Variants in LSM8 observed in about 807,000 individuals in gnomAD.
The protein encoded by LSM8 is LSM8 U6 small nuclear RNA associated.
Under a neutral mutation model 15.0 loss-of-function variants are expected in LSM8, and 14 were observed. The ratio of observed to expected loss-of-function variants is 0.93; its 90% confidence interval spans 0.62 to 1.46. The LOEUF is 1.46. LSM8 is among the 40% of genes most tolerant of loss of function. The pLI is 0.00. For synonymous variants in LSM8, 50 were observed against 42.1 expected, an observed-to-expected ratio of 1.19 and a Z score of -0.73; for missense variants, 90 against 115.4, an observed-to-expected ratio of 0.78 and a Z score of 1.01.
chr7:118,187,828 G>T (rs1286105620), intron 2 of LSM8, among the ~76,000 whole-genome samples: 1 of 152,168 alleles, frequency 6.6e-6, no homozygotes, highest in Non-Finnish European at 1.5e-5. Context: ...AGTGTGTTTA[G>T]CACACTGCCT....
In LSM8 at chr7:118,185,629, A is replaced by G. The variant is rs746071231; in HGVS notation, c.32-25A>G. The G allele has an allele frequency of 2.5e-6, 4 of 1,592,314 alleles. No homozygotes were observed. In the South Asian group the frequency reaches 3.3e-5, roughly 13 times the overall value. On this transcript the variant is annotated intron_variant, in intron 1 of 3. Coordinates refer to ENST00000249299, the MANE Select transcript of LSM8 (RefSeq NM_016200.5). Reference sequence around the variant, plus strand: ...GTTTTCAATTTGCATTCCCTAAGAAACACTTTCTTTGATTCAGTTATCAGG... The same window carrying G: ...GTTTTCAATTTGCATTCCCTAAGAAGCACTTTCTTTGATTCAGTTATCAGG...
chr7:118,190,721 C>A (rs1308180262), intron 3 of LSM8: 1 of 152,036 alleles, frequency 6.6e-6, no homozygotes, highest in African/African-American at 2.4e-5. Flanking sequence ...ATTCATTCTG[C>A]CAGAGTTTCA....
rs931364689 is a variant in LSM8 at position 118,200,736 on chromosome 7, T to G, written c.*8734T>G. Among the ~76,000 whole-genome samples, 1 of 152,068 alleles carries G rather than the reference T, an allele frequency of 6.6e-6. No individual in the cohort carries two copies. The highest frequency in any genetic ancestry group is 1.5e-5 in the Non-Finnish European group (1 of 68,004). ...TTTATAAGAGTTTATTCCTTAAGTG[T>G]TTGAATTTACACTTTTTTCTCCTGT... is the stretch of plus-strand genomic sequence containing the variant. On this transcript the variant is annotated 3_prime_UTR_variant, in exon 4 of 4. Transcript: ENST00000249299.
rs1462626583 is a variant in LSM8 at position 118,198,636 on chromosome 7, G to A, written c.*6634G>A. 1.3e-5 allele frequency among the ~76,000 whole-genome samples: 2 copies of A among 152,176 alleles called. No individual in the cohort carries two copies. The highest frequency in any genetic ancestry group is 1.5e-5 in the Non-Finnish European group (1 of 68,036). On this transcript the variant is annotated 3_prime_UTR_variant, in exon 4 of 4. Coordinates refer to ENST00000249299, the MANE Select transcript of LSM8 (RefSeq NM_016200.5). ...TTGTGCTTGACCCTAAGGATAGTAA[G>A]GATTTCCATAGATGGTTAGGAAAAC...
At chr7:118,187,427 A>G (rs928234240) in intron 2 of LSM8, among the ~76,000 whole-genome samples, 2 of 152,232 alleles carry the variant, frequency 1.3e-5, no homozygotes, top group African/African-American at 4.8e-5. Flanking sequence ...TAATTAGTAT[A>G]GTCACATTTG....
In LSM8 at chr7:118,197,760, G is replaced by A. The variant is rs1260055559; in HGVS notation, c.*5758G>A. ...TTGATTAGGGTCTTGGGCTAGTCCA[G>A]TGTAGCATGGCAGTGAAAGGCACAG... On this transcript the variant is annotated 3_prime_UTR_variant, in exon 4 of 4. Coordinates refer to ENST00000249299, the MANE Select transcript of LSM8 (RefSeq NM_016200.5). 6.6e-6 allele frequency among the ~76,000 whole-genome samples: 1 copy of A among 152,172 alleles called. No individual in the cohort carries two copies. Among genetic ancestry groups the A allele is most frequent in the Non-Finnish European group, 1.5e-5 (1 of 68,026 alleles).
chr7:118,186,617 A>G (rs1808894062), intron 2 of LSM8, among the ~76,000 whole-genome samples: 1 of 152,224 alleles, frequency 6.6e-6, no homozygotes, highest in East Asian at 1.9e-4. Context: ...CTTATGAAGA[A>G]TAAGTACCCC....
At chr7:118,188,206 CTG>C in intron 2 of LSM8, 70 bp from the exon 3 acceptor site, 5 of 1,535,688 alleles carry the variant, frequency 3.3e-6, no homozygotes, top group East Asian at 4.5e-5. Context: ...ACTAAAATGA[CTG>C]TGAGGTTAAA....
rs1809107613 is a variant in LSM8 at position 118,197,875 on chromosome 7, C to T, written c.*5873C>T. On this transcript the variant is annotated 3_prime_UTR_variant, in exon 4 of 4. Coordinates refer to ENST00000249299, the MANE Select transcript of LSM8 (RefSeq NM_016200.5). ...GAAAATGAGTACCTGCTTCCTTGTA[C>T]TGTCAAGATTAAGATAAGCAGTTAG... Among the ~76,000 whole-genome samples, 1 of 152,138 alleles carries T rather than the reference C, an allele frequency of 6.6e-6. No individual in the cohort carries two copies. Among genetic ancestry groups the T allele is most frequent in the Non-Finnish European group, 1.5e-5 (1 of 68,008 alleles).
At position 118,196,649 on chromosome 7, in the gene LSM8, C is replaced by G. The variant is rs1162919006; in HGVS notation, c.*4647C>G. Among the ~76,000 whole-genome samples, 1 of 147,402 alleles carries G rather than the reference C, an allele frequency of 6.8e-6. No individual in the cohort carries two copies. Among genetic ancestry groups the G allele is most frequent in the South Asian group, 2.2e-4 (1 of 4,484 alleles). On this transcript the variant is annotated 3_prime_UTR_variant, in exon 4 of 4. Transcript: ENST00000249299. ...TTTTTGTGTTAGTTTTTTGTTATGC[C>G]TTTTCATTTCCTTCTTTTTTTAATG...
intron 2 of LSM8, among the ~76,000 whole-genome samples, 175 bp downstream of exon 2, chr7:118,185,869 A>T (rs957123900): frequency 2.0e-5 from 3 of 152,232 alleles, no homozygotes; most frequent in African/African-American, 4.8e-5. Context: ...ACTAATAAAC[A>T]TTGTGTGTTA....
Position 118,192,167 on chromosome 7 carries a change from T to C in LSM8, c.*165T>C, listed in dbSNP as rs1808993728. On this transcript the variant is annotated 3_prime_UTR_variant, in exon 4 of 4. Coordinates refer to ENST00000249299, the MANE Select transcript of LSM8 (RefSeq NM_016200.5). ...TCTACATTTTATTGAAAAAAAAACC[T>C]TTTTTTTTGCCTAAATATAAGTTTG... The C allele has an allele frequency of 2.7e-6, 1 of 372,360 alleles. No individual in the cohort carries two copies. The allele number at this position is 372,360 out of a possible 1,614,324, so 23.1% of individuals were successfully genotyped here. A position where few individuals can be genotyped will look rare whatever the true frequency, so the allele number is the denominator to read the frequency against.
chr7:118,193,684 A>G lies in LSM8; in HGVS notation c.*1682A>G, dbSNP rs1809026891. ...CAAATTTAGGGACTGTGAATGAAAT[A>G]TTGTAGTATATGGCATTTTGAATTG... is the stretch of plus-strand genomic sequence containing the variant. On this transcript the variant is annotated 3_prime_UTR_variant, in exon 4 of 4. Coordinates refer to ENST00000249299, the MANE Select transcript of LSM8 (RefSeq NM_016200.5). Among the ~76,000 whole-genome samples, 1 of 152,116 alleles carries G rather than the reference A, an allele frequency of 6.6e-6. No individual in the cohort carries two copies.
At chr7:118,186,438 T>C (rs1808891568) in intron 2 of LSM8, among the ~76,000 whole-genome samples, 1 of 152,232 alleles carries the variant, frequency 6.6e-6, no homozygotes, top group African/African-American at 2.4e-5. Flanking sequence ...GATCCCTTAT[T>C]TTTCCATTCT....
rs765612369 is a variant in LSM8 at position 118,191,882 on chromosome 7, A to G, written c.201-30A>G. ...GAAACACATGTAATTTATTTCAGAA[A>G]TGTGATTGTTTTAACTCTGACTTTT... is the stretch of plus-strand genomic sequence containing the variant. On this transcript the variant is annotated intron_variant, in intron 3 of 3. Coordinates refer to ENST00000249299, the MANE Select transcript of LSM8 (RefSeq NM_016200.5). 9.9e-6 allele frequency: 15 copies of G among 1,509,914 alleles called. No individual in the cohort carries two copies. In the Admixed American group the frequency reaches 1.6e-4, roughly 16 times the overall value. The allele number at this position is 1,509,914 out of a possible 1,614,324, so 93.5% of individuals were successfully genotyped here. A position where few individuals can be genotyped will look rare whatever the true frequency, so the allele number is the denominator to read the frequency against.
rs148134854 is a variant in LSM8 at position 118,199,105 on chromosome 7, C to T, written c.*7103C>T. Among the ~76,000 whole-genome samples, 258 of 152,268 alleles carry T rather than the reference C, an allele frequency of 1.7e-3. No homozygotes were observed. The highest frequency in any genetic ancestry group is 5.8e-3 in the African/African-American group (240 of 41,546). Reference sequence around the variant, plus strand: ...TGTGCCTGGTTTCTCCTGATTTTCACCCTGCACACCTTTTCCATTTACTGA... The same window carrying T: ...TGTGCCTGGTTTCTCCTGATTTTCATCCTGCACACCTTTTCCATTTACTGA... On this transcript the variant is annotated 3_prime_UTR_variant, in exon 4 of 4. Transcript: ENST00000249299.
chr7:118,184,173 C>T lies in LSM8; in HGVS notation c.-51C>T, dbSNP rs1223856727. On this transcript the variant is annotated 5_prime_UTR_variant, in exon 1 of 4. Coordinates refer to ENST00000249299, the MANE Select transcript of LSM8 (RefSeq NM_016200.5). ...CGGGTTCTGGCGCGCCCTTTCAGTT[C>T]TGCTTGCTGTCGGCACCGCTGCGTT... 1.0e-5 allele frequency: 16 copies of T among 1,544,018 alleles called. No homozygotes were observed. Among genetic ancestry groups the T allele is most frequent in the African/African-American group, 1.4e-5 (1 of 71,786 alleles).
rs1809173693 is a variant in LSM8 at position 118,201,511 on chromosome 7, G to A, written c.*9509G>A. ...ATCGCTCTGTGATGCATTTTATAAT[G>A]TACAACCAAGAATCTCAATATTTAT... On this transcript the variant is annotated 3_prime_UTR_variant, in exon 4 of 4. Transcript: ENST00000249299. Among the ~76,000 whole-genome samples the A allele has an allele frequency of 6.6e-6, 1 of 151,974 alleles. No individual in the cohort carries two copies. The highest frequency in any genetic ancestry group is 2.4e-5 in the African/African-American group (1 of 41,386).
chr7:118,185,634 T>C lies in LSM8; in HGVS notation c.32-20T>C. 1 of 1,599,244 alleles carries C rather than the reference T, an allele frequency of 6.3e-7. No homozygotes were observed. Among genetic ancestry groups the C allele is most frequent in the Non-Finnish European group, 8.6e-7 (1 of 1,167,270 alleles). The stretch of plus-strand genomic sequence containing the variant: ...CAATTTGCATTCCCTAAGAAACACT[T>C]TCTTTGATTCAGTTATCAGGAACTG... On this transcript the variant is annotated intron_variant, in intron 1 of 3. Transcript: ENST00000249299.
Sources: allele counts gnomAD v4.1 joint callset (sites outside exome capture counted in the v4.1 genomes callset), GRCh38; gene constraint gnomAD v4.1.1; transcripts MANE v1.5; gene names NCBI Gene and HGNC (gene_info 2026-07-23, HGNC 2026-07-21).